Variants in SYNE1 observed in about 807,000 individuals in gnomAD.
SYNE1 encodes the protein nesprin-1.
Under a neutral mutation model 1,111.0 loss-of-function variants are expected in SYNE1, and 616 were observed. The observed-to-expected ratio is 0.55, with a 90% CI of 0.52 to 0.59. The LOEUF (loss-of-function observed/expected upper bound fraction) is 0.59, where lower values mean the gene tolerates loss of function less well. SYNE1 is among the 20% of genes least tolerant of loss of function. The pLI, the probability that SYNE1 is intolerant of heterozygous loss-of-function variation, is 0.00. For synonymous variants in SYNE1, 3,855 were observed against 3,825.8 expected (o/e 1.01, Z -0.28); for missense variants, 10,006 against 10,417.0 (o/e 0.96, Z 1.72).
chr6:152,214,275 T>C (rs2078141423), intron 122 of SYNE1, among the ~76,000 whole-genome samples: 1 of 152,056 alleles, frequency 6.6e-6, no homozygotes, highest in Non-Finnish European at 1.5e-5. Flanking sequence ...ATAAAAATTA[T>C]GTATATACTT....
intron 32 of SYNE1, among the ~76,000 whole-genome samples, chr6:152,440,171 T>G (rs2098515606): frequency 6.6e-6 from 1 of 152,150 alleles, no homozygotes; most frequent in Non-Finnish European, 1.5e-5. Flanking sequence ...CCGCCCTTAT[T>G]TATGCCCATA....
intron 3 of SYNE1, among the ~76,000 whole-genome samples, chr6:152,609,881 CA>C (rs1161599597): frequency 1.3e-5 from 2 of 152,172 alleles, no homozygotes; most frequent in African/African-American, 4.8e-5. Context: ...CAGCAAACTC[CA>C]ACAGACCTGT....
intron 38 of SYNE1, among the ~76,000 whole-genome samples, chr6:152,426,870 A>G (rs1349663266): frequency 6.6e-6 from 1 of 152,222 alleles, no homozygotes; most frequent in Non-Finnish European, 1.5e-5. Flanking sequence ...ACAGATTCCG[A>G]TGCTATAGAC....
At chr6:152,610,868 C>T (rs1336472243) in intron 3 of SYNE1, among the ~76,000 whole-genome samples, 4 of 152,142 alleles carry the variant, frequency 2.6e-5, no homozygotes, top group African/African-American at 7.2e-5. Flanking sequence ...GAATTTTCAA[C>T]CCAGAATTTC....
chr6:152,217,598 G>A (rs1310643136), intron 121 of SYNE1, among the ~76,000 whole-genome samples: 2 of 152,122 alleles, frequency 1.3e-5, no homozygotes, highest in African/African-American at 4.8e-5. Flanking sequence ...ATGCAGATCT[G>A]TGGGAGGCGG....
At chr6:152,440,286 C>T (rs142106410) in intron 32 of SYNE1, among the ~76,000 whole-genome samples, 3 of 152,280 alleles carry the variant, frequency 2.0e-5, no homozygotes, top group East Asian at 1.9e-4. Context: ...TCATCCAAAG[C>T]CCAGCTCTGA....
At chr6:152,328,690 G>T (rs1053630944) in intron 78 of SYNE1, among the ~76,000 whole-genome samples, 8 of 152,086 alleles carry the variant, frequency 5.3e-5, no homozygotes, top group Non-Finnish European at 4.4e-5. Flanking sequence ...GGGATTAAAG[G>T]CGTGAGCCAC....
In SYNE1 at chr6:152,396,688, A is replaced by G. The variant is rs1237055480; in HGVS notation, c.7556+87T>C. 13 of 1,223,766 alleles carry G rather than the reference A, an allele frequency of 1.1e-5. No individual in the cohort carries two copies. The East Asian group carries it at 2.8e-4, about 26-fold the overall frequency. The allele number at this position is 1,223,766 out of a possible 1,614,324, so 75.8% of individuals were successfully genotyped here. On this transcript the variant is annotated intron_variant, in intron 50 of 145. Transcript: ENST00000367255. The stretch of plus-strand genomic sequence containing the variant: ...ATTTAAACTCACAGTGTCAAACGTT[A>G]TTTATTTATTCACATGACTCTTTTC...
chr6:152,148,215 C>G lies in SYNE1; in HGVS notation c.24806G>C (p.Arg8269Pro). Residue 8269 changes from arginine (R) to proline (P), a missense_variant, in exon 137 of 146, where the codon CGG (arginine) becomes CCG (proline). Coordinates refer to ENST00000367255, the MANE Select transcript of SYNE1 (RefSeq NM_182961.4). This position sits in a 1 kb window ranked among gnomAD's most constrained non-coding sequence, Gnocchi z 4.1. ...ACTAGCCGGGGTGTCTCGTCCTGAC[C>G]GCTCGCTCCGGAGGGGCTGAGCGAG... The part of the protein sequence containing the change: ...LSLAQPLRSE[R>P]SGRDTPASVD... 6.2e-7 allele frequency: 1 copy of G among 1,614,092 alleles called. No homozygotes were observed.
intron 56 of SYNE1, among the ~76,000 whole-genome samples, chr6:152,378,662 G>A (rs181344842): frequency 2.6e-5 from 4 of 152,212 alleles, no homozygotes; most frequent in Non-Finnish European, 2.9e-5. Flanking sequence ...TCTTGATGCT[G>A]TTCCTCTACC....
chr6:152,444,070 T>C (rs1189233134), intron 30 of SYNE1, among the ~76,000 whole-genome samples: 1 of 152,226 alleles, frequency 6.6e-6, no homozygotes, highest in Non-Finnish European at 1.5e-5. Flanking sequence ...AAGCAATTGG[T>C]CCATCTATGC....
rs1410341883 is a variant in SYNE1, at chr6:152,321,272, G to A, written c.16202C>T (p.Ala5401Val). ...ILPSELSLQL[A>V]EVALDLKIRD... ...GATCTTTAGATCTAACGCCACTTCA[G>A]CCAACTGAAGGGAGAGTTCAGAAGG... is the stretch of plus-strand genomic sequence containing the variant. The change falls in exon 84 of 146, where the codon GCT becomes GTT. Residue 5401 changes from alanine to valine, a missense_variant. Around this residue, in one of 7 missense-constraint regions of SYNE1, gnomAD observed 4,955 missense variants for 5,017.2 expected, o/e 0.99. Coordinates refer to ENST00000367255, the MANE Select transcript of SYNE1 (RefSeq NM_182961.4). 1 of 1,613,830 alleles carries A rather than the reference G, an allele frequency of 6.2e-7. No individual in the cohort carries two copies. Among genetic ancestry groups the A allele is most frequent in the Admixed American group, 1.7e-5 (1 of 60,008 alleles).
intron 111 of SYNE1, among the ~76,000 whole-genome samples, chr6:152,234,206 T>G (rs2083447514): frequency 6.6e-6 from 1 of 152,236 alleles, no homozygotes. Context: ...CTTTGCATAA[T>G]TATGGAACAC....
At chr6:152,586,213 A>C (rs1189802743) in intron 3 of SYNE1, among the ~76,000 whole-genome samples, 1 of 152,174 alleles carries the variant, frequency 6.6e-6, no homozygotes, top group Non-Finnish European at 1.5e-5. Context: ...TTTCTGAATT[A>C]ATATAATTAT....
In SYNE1 at chr6:152,133,498, CA is replaced by C. The variant is rs1461847476; in HGVS notation, c.25789-11del. 1.2e-6 allele frequency: 2 copies of C among 1,613,524 alleles called. No individual in the cohort carries two copies. The highest frequency in any genetic ancestry group is 2.2e-5 in the South Asian group (2 of 91,054). On this transcript the variant is annotated splice_polypyrimidine_tract_variant and intron_variant, in intron 142 of 145. Coordinates refer to ENST00000367255, the MANE Select transcript of SYNE1 (RefSeq NM_182961.4). ...GCTCATGCTTTATTTGCTATGCATA[CA>C]AAAACAAATTAATTTTTCTAAGCAT...
intron 137 of SYNE1, 62 bp downstream of exon 137, chr6:152,147,982 AG>A: frequency 7.2e-7 from 1 of 1,379,918 alleles, no homozygotes; most frequent in Non-Finnish European, 1.0e-6. Context: ...TCATGTTTCC[AG>A]GGCAATATTA....
intron 17 of SYNE1, among the ~76,000 whole-genome samples, 159 bp downstream of exon 17, chr6:152,465,823 C>T (rs2098762621): frequency 6.6e-6 from 1 of 150,726 alleles, no homozygotes; most frequent in African/African-American, 2.5e-5. Flanking sequence ...AGGCATTGTA[C>T]AAAGCCAAGG....
At position 152,326,520 on chromosome 6, in the gene SYNE1, T is replaced by A. The variant is rs552734633; in HGVS notation, c.15069A>T (p.Leu5023=). Residue 5023 remains leucine (L), a synonymous_variant, in exon 79 of 146, where the codon CTA becomes CTT. Transcript: ENST00000367255. The part of the protein sequence containing the change: ...QELLQLAGNG[L]DVESAEENLK... ...GATTTTCCTCTGCGCTCTCCACGTC[T>A]AGGCCATTGCCTGCCAGCTGTAACA... 6.2e-7 allele frequency: 1 copy of A among 1,614,210 alleles called. No individual in the cohort carries two copies. Among genetic ancestry groups the A allele is most frequent in the Admixed American group, 1.7e-5 (1 of 60,026 alleles).
At chr6:152,275,311 T>A (rs1454475907) in intron 98 of SYNE1, among the ~76,000 whole-genome samples, 2 of 152,166 alleles carry the variant, frequency 1.3e-5, no homozygotes, top group Non-Finnish European at 2.9e-5. Context: ...ATTGAGTACC[T>A]TGCAGACTTA....
Sources: gnomAD v4.1 joint callset for allele counts (sites outside exome capture counted in the v4.1 genomes callset) on GRCh38, gnomAD v4.1.1 for gene constraint, gnomAD v4.1.1 regional missense constraint, Gnocchi (gnomAD v3.1) non-coding constraint, MANE v1.5 for transcripts, NCBI Gene and HGNC (gene_info 2026-07-23, HGNC 2026-07-21) for gene names.